Variants in ITGA2 observed in about 807,000 individuals in gnomAD.
The protein encoded by ITGA2 is integrin alpha-2.
In ITGA2, 101 loss-of-function variants were observed where a neutral mutation model predicts 146.3. That is an observed-to-expected ratio of 0.69 (90% CI 0.59 to 0.81). The LOEUF is 0.81. ITGA2 is among the 40% of genes least tolerant of loss of function. ITGA2 has a pLI of 0.00. For missense variants in ITGA2, 1,281 were observed against 1,402.7 expected, an observed-to-expected ratio of 0.91 and a Z score of 1.39; for synonymous variants, 477 against 487.1, an observed-to-expected ratio of 0.98 and a Z score of 0.27.
At chr5:53,082,644 G>T (rs552268727) in intron 26 of ITGA2, among the ~76,000 whole-genome samples, 1 of 152,076 alleles carries the variant, frequency 6.6e-6, no homozygotes, top group African/African-American at 2.4e-5. Flanking sequence ...TGGTATATTT[G>T]CCACAATCGA....
chr5:53,008,166 G>A (rs1435842130), intron 1 of ITGA2, among the ~76,000 whole-genome samples: 1 of 151,764 alleles, frequency 6.6e-6, no homozygotes, highest in Admixed American at 6.6e-5. Context: ...GAGGTTAAAA[G>A]TTCAAGATCA....
chr5:53,090,003 A>T lies in ITGA2; in HGVS notation c.3406A>T (p.Ile1136Leu). 1 of 1,613,698 alleles carries T rather than the reference A, an allele frequency of 6.2e-7. No individual in the cohort carries two copies. Among genetic ancestry groups the T allele is most frequent in the South Asian group, 1.1e-5 (1 of 91,088 alleles). ...EKAEVPTGVI[I>L]GSIIAGILLL... is the part of the protein sequence containing the mutation. ...AGCCGAAGTACCAACAGGAGTTATA[A>T]TAGGAAGTATAATTGCTGGAATCCT... The change falls in exon 29 of 30, where the codon ATA becomes TTA. Residue 1136 changes from isoleucine to leucine, a missense_variant. Ile to Leu is a conservative substitution (Grantham distance 5). This residue lies in a region of ITGA2 where 475 missense variants were observed against 530.5 expected (regional missense o/e 0.90). Transcript: ENST00000296585.
At chr5:53,073,030 T>A in intron 19 of ITGA2, 88 bp from the exon 20 acceptor site, 1 of 1,338,108 alleles carries the variant, frequency 7.5e-7, no homozygotes, top group African/African-American at 1.5e-5. Context: ...GTCTAAAGAG[T>A]TTAGTTTTTT....
intron 23 of ITGA2, among the ~76,000 whole-genome samples, chr5:53,076,226 A>G (rs1745656699): frequency 6.6e-6 from 1 of 151,956 alleles, no homozygotes; most frequent in Admixed American, 6.6e-5. Flanking sequence ...AGCACAGATC[A>G]ATGACCCCTG....
intron 1 of ITGA2, among the ~76,000 whole-genome samples, chr5:53,022,558 A>T (rs1489735946): frequency 6.6e-6 from 1 of 152,156 alleles, no homozygotes; most frequent in Non-Finnish European, 1.5e-5. Flanking sequence ...TCAGGAAAGG[A>T]GATCCTGTAA....
intron 24 of ITGA2, 21 bp from the exon 25 acceptor site, chr5:53,080,490 C>G: frequency 6.3e-7 from 1 of 1,582,576 alleles, no homozygotes; most frequent in South Asian, 1.1e-5. Context: ...GCAGTACTGG[C>G]ACATTTTATT....
chr5:53,004,151 C>G (rs1211919178), intron 1 of ITGA2, among the ~76,000 whole-genome samples: 1 of 152,074 alleles, frequency 6.6e-6, no homozygotes, highest in Admixed American at 6.6e-5. Flanking sequence ...AAAATATGCC[C>G]AGACATTACT....
intron 2 of ITGA2, among the ~76,000 whole-genome samples, chr5:53,037,397 C>T (rs1315531361): frequency 1.3e-5 from 2 of 152,196 alleles, no homozygotes; most frequent in African/African-American, 4.8e-5. Context: ...TCCATTACTT[C>T]AAAGAGGTTT....
At chr5:53,015,172 C>T (rs1742341113) in intron 1 of ITGA2, among the ~76,000 whole-genome samples, 1 of 151,898 alleles carries the variant, frequency 6.6e-6, no homozygotes, top group South Asian at 2.1e-4. Context: ...GTTCTAGCTC[C>T]CATTGGTGTG....
At chr5:53,058,154 A>G in intron 10 of ITGA2, 53 bp downstream of exon 10, 1 of 1,278,374 alleles carries the variant, frequency 7.8e-7, no homozygotes, top group African/African-American at 1.5e-5. Flanking sequence ...TAACACTTCC[A>G]GACACAGTAG....
At chr5:52,997,690 C>T (rs1043602044) in intron 1 of ITGA2, among the ~76,000 whole-genome samples, 17 of 152,118 alleles carry the variant, frequency 1.1e-4, no homozygotes, top group African/African-American at 3.9e-4. Context: ...AAGCTGGCTT[C>T]GGGTCAGTTC....
chr5:53,060,162 A>G (rs919054553), intron 11 of ITGA2, 150 bp downstream of exon 11: 18 of 838,102 alleles, frequency 2.1e-5, no homozygotes, highest in African/African-American at 3.4e-5. Flanking sequence ...CTCTTTGCCA[A>G]TCGGGCCTTA....
chr5:53,067,277 T>A lies in ITGA2; in HGVS notation c.2083+20T>A, dbSNP rs1561139285. On this transcript the variant is annotated intron_variant, in intron 16 of 29. Coordinates refer to ENST00000296585, the MANE Select transcript of ITGA2 (RefSeq NM_002203.4). ...AAGTGGGTGCGTAGATCTGAAATAA[T>A]CTGTATAGAAATTGGTTGGCTTACA... 1 of 1,610,690 alleles carries A rather than the reference T, an allele frequency of 6.2e-7. No individual in the cohort carries two copies. The highest frequency in any genetic ancestry group is 1.3e-5 in the African/African-American group (1 of 74,740).
intron 13 of ITGA2, 104 bp from the exon 14 acceptor site, chr5:53,064,808 T>C (rs944974713): frequency 9.5e-7 from 1 of 1,051,002 alleles, no homozygotes. Flanking sequence ...GCCTCTGGAG[T>C]CTTTGGGATT....
rs1291358377 is a variant in ITGA2, at chr5:52,989,530, A to C, written c.62A>C (p.Gln21Pro). 1.2e-5 allele frequency: 19 copies of C among 1,613,158 alleles called. No individual in the cohort carries two copies. Among genetic ancestry groups the C allele is most frequent in the Middle Eastern group, 1.6e-4 (1 of 6,074 alleles). Residue 21 changes from glutamine (Q) to proline (P), a missense_variant and splice_region_variant, in exon 1 of 30, where the codon CAA becomes CCA. Physicochemically the swap from Gln to Pro is moderately conservative, Grantham distance 76. Around this residue, in one of 3 missense-constraint regions of ITGA2, gnomAD observed 795 missense variants for 841.7 expected, o/e 0.94. Transcript: ENST00000296585. Reference protein sequence around the residue: ...LPLLLVLALSQGILNCCLAYN... With the variant: ...LPLLLVLALSPGILNCCLAYN... ...CTGCTGCTGGTGTTAGCGCTCAGTC[A>C]AGGTAAGCGGGGATTTCGCTCTGCA...
At chr5:53,063,075 A>C in intron 13 of ITGA2, 146 bp downstream of exon 13, 1 of 709,108 alleles carries the variant, frequency 1.4e-6, no homozygotes, top group East Asian at 2.8e-5. Context: ...GGATGTCCCC[A>C]TTAAGTTATG....
chr5:53,019,065 AAAAT>A (rs3212415), intron 1 of ITGA2, among the ~76,000 whole-genome samples: 4 of 151,148 alleles, frequency 2.6e-5, no homozygotes, highest in Non-Finnish European at 4.4e-5. Context: ...CTCCAGTCTC[AAAAT>A]AAATAAATAA....
In ITGA2 at chr5:53,085,363, T is replaced by C. The variant is rs755767653; in HGVS notation, c.3259-1589T>C. Among the ~76,000 whole-genome samples the C allele has an allele frequency of 1.2e-3, 185 of 152,310 alleles. 2 individuals are homozygous for C. Among genetic ancestry groups the C allele is most frequent in the Admixed American group, 2.5e-3 (38 of 15,298 alleles). On this transcript the variant is annotated intron_variant, in intron 27 of 29. Coordinates refer to ENST00000296585, the MANE Select transcript of ITGA2 (RefSeq NM_002203.4). ...GTTGAACGCTAGCAGGTGCGTTACT[T>C]CACTCTCCAGATGTGTGTGGCATGC...
chr5:53,046,885 T>G (rs1401609446), intron 4 of ITGA2, among the ~76,000 whole-genome samples: 1 of 152,132 alleles, frequency 6.6e-6, no homozygotes, highest in Non-Finnish European at 1.5e-5. Flanking sequence ...TATTTTAATT[T>G]CAACTTCTTA....
Sources: allele counts gnomAD v4.1 joint callset (sites outside exome capture counted in the v4.1 genomes callset), GRCh38; gene constraint gnomAD v4.1.1; regional missense constraint gnomAD v4.1.1; transcripts MANE v1.5; gene names NCBI Gene and HGNC (gene_info 2026-07-23, HGNC 2026-07-21).